EBF2: variants seen among roughly 807,000 people sequenced by gnomAD.
EBF2 encodes the protein transcription factor COE2.
In EBF2, 21 loss-of-function variants were observed where a neutral mutation model predicts 72.8. The ratio of observed to expected loss-of-function variants is 0.29; its 90% CI spans 0.20 to 0.42. The LOEUF is 0.42. EBF2 is among the 10% of genes least tolerant of loss of function. The pLI is 1.00. For missense variants in EBF2, 637 were observed against 731.2 expected (o/e 0.87, Z 1.49); for synonymous variants, 299 against 274.2 (o/e 1.09, Z -0.89).
chr8:25,930,980 A>G (rs1803470337), intron 6 of EBF2, among the ~76,000 whole-genome samples: 1 of 152,196 alleles, frequency 6.6e-6, no homozygotes, highest in Non-Finnish European at 1.5e-5. Flanking sequence ...CCTCATAAAA[A>G]CAAAAATGAC....
At chr8:25,906,675 G>A (rs940645558) in intron 7 of EBF2, among the ~76,000 whole-genome samples, 2 of 152,136 alleles carry the variant, frequency 1.3e-5, no homozygotes, top group Admixed American at 6.5e-5. Flanking sequence ...GGTGAGGCAG[G>A]AGAATTGCTT....
chr8:25,915,316 G>A (rs973469721), intron 6 of EBF2, among the ~76,000 whole-genome samples: 3 of 151,040 alleles, frequency 2.0e-5, no homozygotes, highest in Non-Finnish European at 4.4e-5. Flanking sequence ...GTTGCCACGC[G>A]GCACTGTTTC....
At chr8:26,015,152 A>G (rs1805088085) in intron 6 of EBF2, among the ~76,000 whole-genome samples, 1 of 152,148 alleles carries the variant, frequency 6.6e-6, no homozygotes, top group Non-Finnish European at 1.5e-5. Flanking sequence ...CCACCAGGAA[A>G]AGGTCATGGT....
At chr8:25,917,461 A>G (rs1803238809) in intron 6 of EBF2, among the ~76,000 whole-genome samples, 1 of 152,198 alleles carries the variant, frequency 6.6e-6, no homozygotes, top group African/African-American at 2.4e-5. Flanking sequence ...TTTGCAAAGC[A>G]CAAGTTTCCA....
intron 10 of EBF2, among the ~76,000 whole-genome samples, chr8:25,877,651 G>T (rs1802544996): frequency 6.6e-6 from 1 of 152,200 alleles, no homozygotes; most frequent in African/African-American, 2.4e-5. Context: ...AATGTCAACA[G>T]TTGGACTATG....
intron 9 of EBF2, 150 bp downstream of exon 9, chr8:25,887,691 TA>T (rs1802714384): frequency 1.2e-5 from 9 of 771,128 alleles, no homozygotes; most frequent in Non-Finnish European, 1.7e-5. Context: ...TTTTAAATAA[TA>T]CTGCAGTGGA....
At chr8:25,969,118 C>CATAT in intron 6 of EBF2, among the ~76,000 whole-genome samples, 2 of 152,190 alleles carry the variant, frequency 1.3e-5, no homozygotes, top group Non-Finnish European at 2.9e-5. Context: ...TTCTCTCCCC[C>CATAT]ATATTGGAGA....
At chr8:25,928,942 G>T (rs962065538) in intron 6 of EBF2, among the ~76,000 whole-genome samples, 1 of 152,100 alleles carries the variant, frequency 6.6e-6, no homozygotes, top group Non-Finnish European at 1.5e-5. Context: ...GAATGCTTTC[G>T]AGGATTAAAC....
At chr8:25,972,970 C>G (rs903360346) in intron 6 of EBF2, among the ~76,000 whole-genome samples, 1 of 151,754 alleles carries the variant, frequency 6.6e-6, no homozygotes, top group African/African-American at 2.4e-5. Context: ...CCCACCCACC[C>G]TTGTCCCACT....
At chr8:25,966,010 C>T (rs1804109114) in intron 6 of EBF2, among the ~76,000 whole-genome samples, 1 of 152,130 alleles carries the variant, frequency 6.6e-6, no homozygotes, top group Non-Finnish European at 1.5e-5. Context: ...TCATTTGGGG[C>T]ATAGGTTGCA....
chr8:25,912,955 C>T (rs1044325957), intron 6 of EBF2, among the ~76,000 whole-genome samples: 33 of 152,082 alleles, frequency 2.2e-4, no homozygotes, highest in Non-Finnish European at 3.8e-4. Context: ...GTTAAGGTTC[C>T]GTGGTGGGGA....
At chr8:25,917,315 T>C (rs1041777182) in intron 6 of EBF2, among the ~76,000 whole-genome samples, 2 of 152,118 alleles carry the variant, frequency 1.3e-5, no homozygotes, top group African/African-American at 4.8e-5. Context: ...AAGTCCTTGT[T>C]TTTGTACTCA....
At chr8:26,005,295 TTA>T (rs1328863694) in intron 6 of EBF2, among the ~76,000 whole-genome samples, 2 of 3,620 alleles carry the variant, frequency 5.5e-4, no homozygotes, top group Non-Finnish European at 1.1e-3. Flanking sequence ...AATTATATAA[TTA>T]TATATAATTA....
At chr8:25,909,240 G>A (rs547633075) in intron 6 of EBF2, among the ~76,000 whole-genome samples, 112 of 152,048 alleles carry the variant, frequency 7.4e-4, no homozygotes, top group African/African-American at 2.7e-3. Flanking sequence ...CTCTTAAATG[G>A]CCTATCTGTG....
intron 1 of EBF2, among the ~76,000 whole-genome samples, chr8:26,043,021 G>A (rs924926191): frequency 1.3e-5 from 2 of 152,214 alleles, no homozygotes; most frequent in Non-Finnish European, 2.9e-5. Context: ...CTGTTAAAAG[G>A]CGAGAACCTC....
chr8:25,923,291 A>G (rs1011785077), intron 6 of EBF2, among the ~76,000 whole-genome samples: 1 of 152,254 alleles, frequency 6.6e-6, no homozygotes, highest in Non-Finnish European at 1.5e-5. Flanking sequence ...TAAGGAAATC[A>G]TCTAGTTTCA....
chr8:26,004,540 T>C (rs1355330966), intron 6 of EBF2, among the ~76,000 whole-genome samples: 2 of 151,814 alleles, frequency 1.3e-5, no homozygotes, highest in East Asian at 3.9e-4. Context: ...CTGGGCGTGG[T>C]GGCATACGCC....
At chr8:25,991,661 C>A (rs1804546745) in intron 6 of EBF2, among the ~76,000 whole-genome samples, 2 of 152,100 alleles carry the variant, frequency 1.3e-5, no homozygotes, top group Non-Finnish European at 2.9e-5. Context: ...GCCTGGCCAA[C>A]ATGGTGAAAC....
intron 14 of EBF2, among the ~76,000 whole-genome samples, chr8:25,853,569 G>A (rs1454807508): frequency 6.6e-6 from 1 of 152,054 alleles, no homozygotes; most frequent in East Asian, 1.9e-4. Context: ...CCTCTCTGGA[G>A]GGTCTTTGGC....
Sources: allele counts gnomAD v4.1 joint callset (sites outside exome capture counted in the v4.1 genomes callset), GRCh38; gene constraint gnomAD v4.1.1; transcripts MANE v1.5; gene names NCBI Gene and HGNC (gene_info 2026-07-23, HGNC 2026-07-21).